Variants in ADGRE3 observed in about 807,000 individuals in gnomAD.
ADGRE3 encodes EGF-like module receptor 3.
ADGRE3 carries 88 observed loss-of-function variants against 80.1 expected under a neutral mutation model. That is an observed-to-expected ratio of 1.10 (90% CI 0.93 to 1.31). ADGRE3 has a LOEUF of 1.31. Among genes scored for constraint, ADGRE3 ranks in the 40% most tolerant of loss-of-function variants. The probability of loss-of-function intolerance (pLI) is 0.00; values close to 1 mark genes in which losing one functional copy is unlikely to be tolerated. For synonymous variants in ADGRE3, 281 were observed against 294.8 expected (o/e 0.95, Z 0.48); for missense variants, 715 against 776.5 (o/e 0.92, Z 0.94).
At chr19:14,672,006 T>C (rs1972271256) in intron 1 of ADGRE3, among the ~76,000 whole-genome samples, 1 of 152,174 alleles carries the variant, frequency 6.6e-6, no homozygotes, top group Non-Finnish European at 1.5e-5. Context: ...TTCTGTGGCC[T>C]CCCAAAGTGT....
intron 8 of ADGRE3, among the ~76,000 whole-genome samples, chr19:14,645,907 G>A (rs1015739705): frequency 7.2e-5 from 11 of 152,232 alleles, no homozygotes; most frequent in Admixed American, 7.2e-4. Flanking sequence ...AGGAGTCCGA[G>A]GCTGTAGTGA....
the ADGRE3 span, chr19:14,600,152 C>T: frequency 6.2e-7 from 1 of 1,614,064 alleles, no homozygotes; most frequent in African/African-American, 1.3e-5. Context: ...ATTACTCTCA[C>T]TTGGTCATCA....
intron 3 of ADGRE3, among the ~76,000 whole-genome samples, chr19:14,662,593 C>T: frequency 6.6e-6 from 1 of 152,188 alleles, no homozygotes; most frequent in East Asian, 1.9e-4. Flanking sequence ...ACTATGTTGG[C>T]CAGGCTGGTC....
Position 14,626,946 on chromosome 19 carries a change from C to T in ADGRE3, c.1813-1347G>A, listed in dbSNP as rs554539314. Among the ~76,000 whole-genome samples the T allele has an allele frequency of 3.3e-5, 5 of 152,260 alleles. No individual in the cohort carries two copies. The South Asian group carries it at 1.0e-3, about 32-fold the overall frequency. ...GGCCAGGCGTGTCCTGTGGGCAGTA[C>T]GAAGCCTTCAGGCACAGTCATGGGT... is the stretch of plus-strand genomic sequence containing the variant. On this transcript the variant is annotated intron_variant, in intron 14 of 15. Coordinates refer to ENST00000253673, the MANE Select transcript of ADGRE3 (RefSeq NM_032571.5).
chr19:14,602,778 C>G, the ADGRE3 span, among the ~76,000 whole-genome samples: 2 of 151,990 alleles, frequency 1.3e-5, no homozygotes, highest in Admixed American at 1.3e-4. Context: ...CTGTGTTGCC[C>G]AGGCTGGAGT....
rs138445869 is a variant in ADGRE3 at position 14,638,105 on chromosome 19, C to G, written c.1484G>C (p.Arg495Pro). Residue 495 changes from arginine (R) to proline (P), a missense_variant and splice_region_variant, in exon 11 of 16, where the codon CGA (arginine) becomes CCA (proline). Arg to Pro is a moderately radical substitution (Grantham distance 103). Coordinates refer to ENST00000253673, the MANE Select transcript of ADGRE3 (RefSeq NM_032571.5). The stretch of plus-strand genomic sequence containing the variant: ...GACACAAGGTGGGATTCAAGCTCAC[C>G]GATCAGCAGTTCCATAAAGGTGAGG... ...SWPHLYGTAD[R>P]CWLHLDQGFM... 4 of 1,610,840 alleles carry G rather than the reference C, an allele frequency of 2.5e-6. No homozygotes were observed. Among genetic ancestry groups the G allele is most frequent in the Non-Finnish European group, 3.4e-6 (4 of 1,177,070 alleles).
chr19:14,620,666 T>C (rs1161726861), intron 15 of ADGRE3, among the ~76,000 whole-genome samples: 2 of 138,306 alleles, frequency 1.4e-5, no homozygotes, highest in South Asian at 4.9e-4. Flanking sequence ...TCTTGGCTCA[T>C]TGCAACCTCT....
chr19:14,668,837 A>G lies in ADGRE3; in HGVS notation c.41T>C (p.Leu14Pro). Reference sequence around the variant, plus strand: ...CTGAGTCACAGCTCCAAAGAGGCTCAGCAGAAAGCAGAGGCCTGGAATAGA... The same window carrying G: ...CTGAGTCACAGCTCCAAAGAGGCTCGGCAGAAAGCAGAGGCCTGGAATAGA... ...PLLLPGLCFLLSLFGAVTQKT... is the reference protein window; with the variant it reads ...PLLLPGLCFLPSLFGAVTQKT... The change falls in exon 2 of 16, where the codon CTG becomes CCG. Residue 14 changes from leucine to proline, a missense_variant. By Grantham distance (98) the Leu-to-Pro change is moderately conservative. Coordinates refer to ENST00000253673, the MANE Select transcript of ADGRE3 (RefSeq NM_032571.5). The G allele has an allele frequency of 6.2e-7, 1 of 1,614,128 alleles. No individual in the cohort carries two copies. The highest frequency in any genetic ancestry group is 2.2e-5 in the East Asian group (1 of 44,878).
At chr19:14,664,811 A>G (rs1350564847) in intron 2 of ADGRE3, among the ~76,000 whole-genome samples, 4 of 152,140 alleles carry the variant, frequency 2.6e-5, no homozygotes, top group East Asian at 1.9e-4. Context: ...TTCATTACTT[A>G]TGAAAATGAT....
intron 7 of ADGRE3, among the ~76,000 whole-genome samples, chr19:14,647,713 C>T (rs1971455129): frequency 6.6e-6 from 1 of 151,558 alleles, no homozygotes; most frequent in Non-Finnish European, 1.5e-5. Context: ...CCACCATGCC[C>T]GGTCTGCCGT....
the ADGRE3 span, among the ~76,000 whole-genome samples, chr19:14,605,960 G>A: frequency 6.6e-6 from 1 of 151,980 alleles, no homozygotes; most frequent in Non-Finnish European, 1.5e-5. Flanking sequence ...GACTAATCTC[G>A]AACTCCTAGT....
At chr19:14,665,470 T>C (rs987774039) in intron 2 of ADGRE3, among the ~76,000 whole-genome samples, 3 of 152,076 alleles carry the variant, frequency 2.0e-5, no homozygotes, top group Non-Finnish European at 4.4e-5. Flanking sequence ...CAAGTCTTAA[T>C]GCATTTTGGA....
intron 15 of ADGRE3, among the ~76,000 whole-genome samples, chr19:14,620,466 ATATAT>A (rs1261923630): frequency 6.4e-5 from 2 of 31,036 alleles, no homozygotes; most frequent in Non-Finnish European, 1.2e-4. Context: ...GAATATATGA[ATATAT>A]TATGAGTACA....
rs573247313 is a variant in ADGRE3, at chr19:14,632,302, CT to C, written c.1643+618del. ...TGGATTAGCAAATTTGAGTTGGTTG[CT>C]TTTGATAAAAAATATACTCCTGTGT... On this transcript the variant is annotated intron_variant, in intron 13 of 15. Coordinates refer to ENST00000253673, the MANE Select transcript of ADGRE3 (RefSeq NM_032571.5). 1.9e-3 allele frequency among the ~76,000 whole-genome samples: 287 copies of C among 152,252 alleles called. 1 individual carries two copies. The highest frequency in any genetic ancestry group is 6.5e-3 in the African/African-American group (270 of 41,558).
In ADGRE3 at chr19:14,641,730, C is replaced by A. The variant is rs117772410; in HGVS notation, c.1051-114G>T. The A allele has an allele frequency of 5.6e-6, 7 of 1,245,706 alleles. No homozygotes were observed. The East Asian group carries it at 1.8e-4, about 32-fold the overall frequency. 77.2% of individuals were successfully genotyped at this position (1,245,706 alleles called of 1,614,324 possible). On this transcript the variant is annotated intron_variant, in intron 9 of 15. Coordinates refer to ENST00000253673, the MANE Select transcript of ADGRE3 (RefSeq NM_032571.5). ...ACCAAGCCCAGTGGTAGTGTGGGAC[C>A]GTTAGACTGCTAATGTAGATTGCTA...
intron 5 of ADGRE3, among the ~76,000 whole-genome samples, chr19:14,657,730 C>CAT (rs1432988104): frequency 1.3e-4 from 9 of 67,070 alleles, no homozygotes; most frequent in African/African-American, 3.9e-4. Context: ...CCTATATATA[C>CAT]ATATATATAT....
chr19:14,647,238 T>C lies in ADGRE3; in HGVS notation c.825A>G (p.Gly275=), dbSNP rs1162633540. 2 of 1,613,886 alleles carry C rather than the reference T, an allele frequency of 1.2e-6. No homozygotes were observed. Among genetic ancestry groups the C allele is most frequent in the African/African-American group, 2.7e-5 (2 of 74,978 alleles). Residue 275 remains glycine (G), a synonymous_variant, in exon 8 of 16, where the codon GGA becomes GGG. Transcript: ENST00000253673. ...LNSQVVSAAI[G]PKRNVSLSKS... is the part of the protein sequence containing the mutation. ...TGGAGAGAGACACGTTCCTTTTGGG[T>C]CCAATAGCAGCACTCACAACCTGAG...
chr19:14,625,627 G>A, intron 14 of ADGRE3, 28 bp from the exon 15 acceptor site: 1 of 1,469,104 alleles, frequency 6.8e-7, no homozygotes, highest in Non-Finnish European at 9.5e-7. Context: ...ATACCTGGAT[G>A]GGTTTTGCTA....
intron 13 of ADGRE3, among the ~76,000 whole-genome samples, chr19:14,632,085 T>A (rs2146816288): frequency 6.6e-6 from 1 of 152,306 alleles, no homozygotes; most frequent in Non-Finnish European, 1.5e-5. Context: ...ATCTAGATTC[T>A]TATTGAACCT....
Sources: allele counts gnomAD v4.1 joint callset (sites outside exome capture counted in the v4.1 genomes callset), GRCh38; gene constraint gnomAD v4.1.1; transcripts MANE v1.5; gene names NCBI Gene and HGNC (gene_info 2026-07-23, HGNC 2026-07-21).